The following MFHAS1 variants were observed in gnomAD, a reference collection of about 807,000 sequenced individuals.
MFHAS1 encodes malignant fibrous histiocytoma-amplified sequence 1.
A neutral mutation model predicts 70.4 loss-of-function variants in MFHAS1; 50 were observed. The observed-to-expected ratio is 0.71, with a 90% CI of 0.57 to 0.90. The LOEUF (loss-of-function observed/expected upper bound fraction) is 0.90, where lower values mean the gene tolerates loss of function less well. Among genes scored for constraint, MFHAS1 ranks in the 40% least tolerant of loss-of-function variants. The probability of loss-of-function intolerance (pLI) is 0.00; values close to 1 mark genes in which losing one functional copy is unlikely to be tolerated. For missense variants in MFHAS1, 1,795 were observed against 1,347.6 expected (o/e 1.33, Z -5.20); for synonymous variants, 952 against 620.0 (o/e 1.54, Z -7.96).
chr8:8,817,683 G>A (rs925433780), intron 1 of MFHAS1, among the ~76,000 whole-genome samples: 1 of 152,256 alleles, frequency 6.6e-6, no homozygotes, highest in Admixed American at 6.5e-5. Context: ...TTTCGTGGAA[G>A]ATGATTTTTC....
chr8:8,863,005 T>C (rs1257532116), intron 1 of MFHAS1, among the ~76,000 whole-genome samples: 1 of 152,246 alleles, frequency 6.6e-6, no homozygotes, highest in Non-Finnish European at 1.5e-5. Context: ...CGATTACCCA[T>C]TTCAAGTTAA....
At chr8:8,846,778 C>G (rs537719502) in intron 1 of MFHAS1, among the ~76,000 whole-genome samples, 4 of 152,058 alleles carry the variant, frequency 2.6e-5, no homozygotes, top group Non-Finnish European at 5.9e-5. Flanking sequence ...TGAATTAGCC[C>G]TCCTAGACAG....
chr8:8,795,118 G>A (rs527751443), intron 2 of MFHAS1, among the ~76,000 whole-genome samples: 22 of 152,228 alleles, frequency 1.4e-4, no homozygotes, highest in African/African-American at 4.8e-4. Flanking sequence ...TTACGCCAAT[G>A]CAAAGTATAT....
At position 8,839,966 on chromosome 8, in the gene MFHAS1, C is replaced by T. The variant is rs541998008; in HGVS notation, c.2999-42475G>A. 2.6e-5 allele frequency among the ~76,000 whole-genome samples: 4 copies of T among 152,228 alleles called. No homozygotes were observed. The South Asian group carries it at 8.3e-4, about 32-fold the overall frequency. The stretch of plus-strand genomic sequence containing the variant: ...AGGAAAAAGAAAAAAAAGATACAAA[C>T]CCACTAGTATTTGAATGCATTCTCT... On this transcript the variant is annotated intron_variant, in intron 1 of 2. Transcript: ENST00000276282.
Position 8,892,562 on chromosome 8 carries a change from C to G in MFHAS1, c.497G>C (p.Ser166Thr). ...AGGCAGGTGCGCCAGCCGGTTAAAG[C>G]TGACATCCAGCTCCTCCAGGTGAGC... is the stretch of plus-strand genomic sequence containing the variant. ...ALAHLEELDV[S>T]FNRLAHLPDS... The change falls in exon 1 of 3, where the codon AGC becomes ACC. Residue 166 changes from serine to threonine, a missense_variant. Ser to Thr is a moderately conservative substitution (Grantham distance 58). Transcript: ENST00000276282. The surrounding 1 kb of genome is among the most constrained non-coding windows in gnomAD (Gnocchi z 4.7). 1.9e-6 allele frequency: 3 copies of G among 1,604,586 alleles called. No homozygotes were observed. Among genetic ancestry groups the G allele is most frequent in the Non-Finnish European group, 2.6e-6 (3 of 1,176,044 alleles).
At chr8:8,868,018 C>G (rs957268824) in intron 1 of MFHAS1, among the ~76,000 whole-genome samples, 1 of 152,100 alleles carries the variant, frequency 6.6e-6, no homozygotes, top group Non-Finnish European at 1.5e-5. Context: ...AATCCTCTTT[C>G]TCGCCTGAAC....
intron 1 of MFHAS1, among the ~76,000 whole-genome samples, chr8:8,883,707 CAAAAAA>C (rs35799658): frequency 1.4e-4 from 4 of 29,586 alleles, no homozygotes; most frequent in South Asian, 1.5e-3. Flanking sequence ...GACTCAGTCT[CAAAAAA>C]AAAAAAAAAA....
chr8:8,863,488 G>C (rs1029266544), intron 1 of MFHAS1, among the ~76,000 whole-genome samples: 2 of 152,146 alleles, frequency 1.3e-5, no homozygotes, highest in East Asian at 1.9e-4. Flanking sequence ...ACCTCATCCA[G>C]AATGGACTGT....
Position 8,891,756 on chromosome 8 carries a change from C to T in MFHAS1, c.1303G>A (p.Glu435Lys). 2 of 1,613,416 alleles carry T rather than the reference C, an allele frequency of 1.2e-6. No individual in the cohort carries two copies. Among genetic ancestry groups the T allele is most frequent in the African/African-American group, 2.7e-5 (2 of 75,062 alleles). Residue 435 changes from glutamate to lysine, a missense_variant, in exon 1 of 3, where the codon GAG (glutamate) becomes AAG (lysine). Glu to Lys is a moderately conservative substitution (Grantham distance 56). Transcript: ENST00000276282. The surrounding 1 kb of genome is among the most constrained non-coding windows in gnomAD (Gnocchi z 5.4). ...TTGTCCCCTCCTCCTGGGCATCCCT[C>T]CACTCTCTCCTCGGTGAGGCAGTGG... ...LRHCLTEERV[E>K]GCPGGGDKEK...
At chr8:8,837,564 A>G (rs972712116) in intron 1 of MFHAS1, among the ~76,000 whole-genome samples, 3 of 152,008 alleles carry the variant, frequency 2.0e-5, no homozygotes, top group Non-Finnish European at 4.4e-5. Context: ...AATTCCTTGA[A>G]CCCAGGAGGC....
Position 8,785,927 on chromosome 8 carries a change from C to G in MFHAS1, c.*95G>C. The G allele has an allele frequency of 1.6e-6, 2 of 1,246,122 alleles. No homozygotes were observed. 77.2% of individuals were successfully genotyped at this position (1,246,122 alleles called of 1,614,324 possible). A position where few individuals can be genotyped will look rare whatever the true frequency, so the allele number is the denominator to read the frequency against. Reference sequence around the variant, plus strand: ...CGTTGTCACTCAAGTTCACAGAACACGCTGGGGTGAGTGCAGAGGGTCTGC... The same window carrying G: ...CGTTGTCACTCAAGTTCACAGAACAGGCTGGGGTGAGTGCAGAGGGTCTGC... On this transcript the variant is annotated 3_prime_UTR_variant, in exon 3 of 3. Coordinates refer to ENST00000276282, the MANE Select transcript of MFHAS1 (RefSeq NM_004225.3).
At chr8:8,861,260 T>C (rs1309036980) in intron 1 of MFHAS1, among the ~76,000 whole-genome samples, 1 of 152,224 alleles carries the variant, frequency 6.6e-6, no homozygotes, top group Non-Finnish European at 1.5e-5. Flanking sequence ...GATGTGACCA[T>C]TGCCAAGTCT....
At position 8,893,048 on chromosome 8, in the gene MFHAS1, A is replaced by C. The variant is rs1035195940; in HGVS notation, c.11T>G (p.Met4Arg). MAG[M>R]DSGNLKTARL... ...CGCGGTCTTCAGGTTGCCACTGTCCATCCCAGCCATGGCGGGGCCCCGGGC... is the reference window on the plus strand; with the variant it reads ...CGCGGTCTTCAGGTTGCCACTGTCCCTCCCAGCCATGGCGGGGCCCCGGGC... The change falls in exon 1 of 3, where the codon ATG (methionine) becomes AGG (arginine). Residue 4 changes from methionine to arginine, a missense_variant. Transcript: ENST00000276282. 26 of 1,504,066 alleles carry C rather than the reference A, an allele frequency of 1.7e-5. No individual in the cohort carries two copies. Among genetic ancestry groups the C allele is most frequent in the Non-Finnish European group, 2.2e-5 (25 of 1,133,522 alleles). The allele number at this position is 1,504,066 out of a possible 1,614,324, so 93.2% of individuals were successfully genotyped here.
intron 1 of MFHAS1, among the ~76,000 whole-genome samples, chr8:8,808,719 G>T (rs750178296): frequency 4.6e-5 from 7 of 152,326 alleles, no homozygotes; most frequent in Middle Eastern, 3.4e-3. Context: ...AGATGAAAAA[G>T]ACATTACATT....
chr8:8,867,047 C>A (rs1808886003), intron 1 of MFHAS1, among the ~76,000 whole-genome samples: 1 of 152,140 alleles, frequency 6.6e-6, no homozygotes, highest in Admixed American at 6.5e-5. Context: ...TTGGTATGAT[C>A]TATTTTTAGC....
intron 1 of MFHAS1, among the ~76,000 whole-genome samples, chr8:8,809,695 G>A (rs1806477041): frequency 6.6e-6 from 1 of 152,170 alleles, no homozygotes; most frequent in Non-Finnish European, 1.5e-5. Flanking sequence ...AAGCTTCACA[G>A]ATCAAAGACA....
In MFHAS1 at chr8:8,871,810, C is replaced by A. The variant is rs1809085695; in HGVS notation, c.2998+18251G>T. On this transcript the variant is annotated intron_variant, in intron 1 of 2. Transcript: ENST00000276282. The stretch of plus-strand genomic sequence containing the variant: ...ATGTATGAATGGCATTCAAGAAGTG[C>A]CTGGGAGAGGTTAACATACTGCTGA... 2.6e-5 allele frequency among the ~76,000 whole-genome samples: 4 copies of A among 152,162 alleles called. No individual in the cohort carries two copies. In the South Asian group the frequency reaches 8.3e-4, roughly 32 times the overall value.
chr8:8,816,770 G>T (rs1286332413), intron 1 of MFHAS1, among the ~76,000 whole-genome samples: 1 of 152,046 alleles, frequency 6.6e-6, no homozygotes, highest in Non-Finnish European at 1.5e-5. Context: ...CATAGTTGAT[G>T]GTTATAAACT....
At chr8:8,841,611 G>A (rs1285994202) in intron 1 of MFHAS1, among the ~76,000 whole-genome samples, 2 of 152,174 alleles carry the variant, frequency 1.3e-5, no homozygotes, top group Non-Finnish European at 2.9e-5. Flanking sequence ...GTCGAGTGGA[G>A]GACTTTTATT....
Sources: allele counts gnomAD v4.1 joint callset (sites outside exome capture counted in the v4.1 genomes callset), GRCh38; gene constraint gnomAD v4.1.1; non-coding constraint Gnocchi (gnomAD v3.1); transcripts MANE v1.5; gene names NCBI Gene and HGNC (gene_info 2026-07-23, HGNC 2026-07-21).